MTARC2: variants seen among roughly 807,000 people sequenced by gnomAD.
MTARC2 encodes the protein MOCO sulphurase C-terminal domain containing 2.
A neutral mutation model predicts 35.6 loss-of-function variants in MTARC2; 27 were observed. The observed-to-expected ratio is 0.76, with a 90% CI of 0.56 to 1.04. MTARC2 has a LOEUF of 1.04. Among genes scored for constraint, MTARC2 ranks in the 50% least tolerant of loss-of-function variants. MTARC2 has a pLI of 0.00. For missense variants in MTARC2, 412 were observed against 432.5 expected, an observed-to-expected ratio of 0.95 and a Z score of 0.42; for synonymous variants, 158 against 167.1, an observed-to-expected ratio of 0.95 and a Z score of 0.42.
At chr1:220,754,420 C>A (rs1435269541) in intron 1 of MTARC2, 9 of 456,190 alleles carry the variant, frequency 2.0e-5, no homozygotes, top group African/African-American at 1.8e-4. Context: ...ATGTAGGACC[C>A]CCGCATGCCG....
chr1:220,774,671 C>T (rs1271862651), intron 4 of MTARC2, among the ~76,000 whole-genome samples: 1 of 148,752 alleles, frequency 6.7e-6, no homozygotes, highest in Non-Finnish European at 1.5e-5. Context: ...AACTGCTGCT[C>T]TGATCTGTGG....
At chr1:220,755,373 GA>G (rs1364323085) in intron 2 of MTARC2, among the ~76,000 whole-genome samples, 13 of 152,302 alleles carry the variant, frequency 8.5e-5, no homozygotes, top group African/African-American at 3.1e-4. Flanking sequence ...CCTGAAAAAA[GA>G]AGATGTTATA....
intron 4 of MTARC2, among the ~76,000 whole-genome samples, chr1:220,765,827 C>T (rs893912468): frequency 6.6e-6 from 1 of 152,218 alleles, no homozygotes; most frequent in Non-Finnish European, 1.5e-5. Context: ...AGCAATCTGC[C>T]TGTCTTGGCT....
At chr1:220,749,716 C>A (rs61830240) in intron 1 of MTARC2, among the ~76,000 whole-genome samples, 2,639 of 152,236 alleles carry the variant, frequency 0.017, 57 homozygotes, top group Admixed American at 0.056. Context: ...CAGGTGTGAG[C>A]CACTGTGCCC....
intron 4 of MTARC2, chr1:220,770,408 C>A: frequency 2.0e-6 from 2 of 985,398 alleles, no homozygotes. Context: ...TCTTCAGAGA[C>A]GGTGGTGCGC....
At chr1:220,765,030 G>C (rs1055494002) in intron 4 of MTARC2, among the ~76,000 whole-genome samples, 12 of 152,204 alleles carry the variant, frequency 7.9e-5, no homozygotes, top group African/African-American at 2.7e-4. Context: ...TGTCAGACGT[G>C]CTTTAGTGTA....
chr1:220,780,379 C>T lies in MTARC2; in HGVS notation c.884+140C>T, dbSNP rs1014685665. On this transcript the variant is annotated intron_variant, in intron 6 of 7. Coordinates refer to ENST00000366913, the MANE Select transcript of MTARC2 (RefSeq NM_017898.5). ...CTTCCAGTCTACCTTCTGACTGATT[C>T]GCGTCTATTGGTTAATGAGAGCACT... 31 of 657,732 alleles carry T rather than the reference C, an allele frequency of 4.7e-5. No homozygotes were observed. The African/African-American group carries it at 5.2e-4, about 11-fold the overall frequency. The allele number at this position is 657,732 out of a possible 1,614,324, so 40.7% of individuals were successfully genotyped here. A position where few individuals can be genotyped will look rare whatever the true frequency, so the allele number is the denominator to read the frequency against.
Position 220,748,812 on chromosome 1 carries a change from C to CAGCGCG in MTARC2, c.272+10_272+15dup, listed in dbSNP as rs770929503. The CAGCGCG allele has an allele frequency of 5.1e-6, 8 of 1,574,548 alleles. No individual in the cohort carries two copies. In the African/African-American group the frequency reaches 9.6e-5, roughly 19 times the overall value. On this transcript the variant is annotated intron_variant, in intron 1 of 7. Transcript: ENST00000366913. ...GGCAACCTGCGGGACAGGTACAGCA[C>CAGCGCG]AGCGCGGGCGCGGGGCAGCGCGGAG...
chr1:220,752,793 G>A (rs1357101639), intron 1 of MTARC2, among the ~76,000 whole-genome samples: 1 of 152,084 alleles, frequency 6.6e-6, no homozygotes, highest in Admixed American at 6.5e-5. Flanking sequence ...GCTGCCATGA[G>A]CTAAGATCAC....
intron 1 of MTARC2, 92 bp from the exon 2 acceptor site, chr1:220,754,855 G>T (rs1321965476): frequency 1.7e-6 from 2 of 1,189,086 alleles, no homozygotes; most frequent in Non-Finnish European, 2.4e-6. Flanking sequence ...GACGGGGTGG[G>T]TGGAGAGTTC....
At chr1:220,774,680 GGT>G (rs1671844095) in intron 4 of MTARC2, among the ~76,000 whole-genome samples, 1 of 152,042 alleles carries the variant, frequency 6.6e-6, no homozygotes, top group South Asian at 2.1e-4. Context: ...TCTGATCTGT[GGT>G]CTTACAAGTG....
rs188393299 is a variant in MTARC2, at chr1:220,758,474, C to T, written c.447-3184C>T. Among the ~76,000 whole-genome samples the T allele has an allele frequency of 8.9e-4, 134 of 150,084 alleles. 1 individual carries two copies. The highest frequency in any genetic ancestry group is 1.4e-3 in the Admixed American group (21 of 15,014). On this transcript the variant is annotated intron_variant, in intron 2 of 7. Coordinates refer to ENST00000366913, the MANE Select transcript of MTARC2 (RefSeq NM_017898.5). The stretch of plus-strand genomic sequence containing the variant: ...CGCTCTTGTTGCCCGGGCTAGAGTG[C>T]GATGGCACGATCTCAGCTCACTGCA...
chr1:220,780,288 G>T (rs754454850), intron 6 of MTARC2, 49 bp downstream of exon 6: 1 of 1,523,992 alleles, frequency 6.6e-7, no homozygotes, highest in South Asian at 1.2e-5. Context: ...CTCCACCCCA[G>T]AACTACCTAT....
intron 1 of MTARC2, 107 bp downstream of exon 1, chr1:220,748,910 C>G: frequency 1.5e-6 from 2 of 1,325,722 alleles, no homozygotes. Context: ...GGTTTGCCAC[C>G]TGAGTTTCTG....
At chr1:220,782,913 T>A (rs751189106) in intron 7 of MTARC2, among the ~76,000 whole-genome samples, 2 of 152,242 alleles carry the variant, frequency 1.3e-5, no homozygotes, top group Non-Finnish European at 2.9e-5. Context: ...TTAATTCATA[T>A]AAAGTTGCGC....
At position 220,778,265 on chromosome 1, in the gene MTARC2, A is replaced by AAG. The variant is rs1553254995; in HGVS notation, c.751-1752_751-1751insGA. 5.7e-3 allele frequency among the ~76,000 whole-genome samples: 793 copies of AAG among 138,412 alleles called. 31 individuals carry two copies. The highest frequency in any genetic ancestry group is 0.041 in the Admixed American group (558 of 13,456). The allele number at this position is 138,412 out of a possible 152,430, so 90.8% of individuals were successfully genotyped here. A position where few individuals can be genotyped will look rare whatever the true frequency, so the allele number is the denominator to read the frequency against. ...TCTGTCTCAAAAAAAAAAAAAAAAA[A>AAG]AAAGAAAGAAAGAAAGAAAAGCGGT... On this transcript the variant is annotated intron_variant, in intron 4 of 7. Transcript: ENST00000366913.
At chr1:220,771,738 C>A (rs543380223) in intron 4 of MTARC2, among the ~76,000 whole-genome samples, 1 of 151,672 alleles carries the variant, frequency 6.6e-6, no homozygotes, top group South Asian at 2.1e-4. Flanking sequence ...TAACAGCGCC[C>A]ACCAGGGCCT....
intron 1 of MTARC2, among the ~76,000 whole-genome samples, chr1:220,752,856 CTT>C (rs1342300796): frequency 2.0e-5 from 3 of 151,240 alleles, no homozygotes; most frequent in Non-Finnish European, 4.4e-5. Context: ...CTCCCTCTCT[CTT>C]GATATTAATT....
At chr1:220,755,189 C>T (rs1671242905) in intron 2 of MTARC2, 69 bp downstream of exon 2, 1 of 1,464,154 alleles carries the variant, frequency 6.8e-7, no homozygotes, top group African/African-American at 1.4e-5. Context: ...TCCTTGCATT[C>T]TGTCTTGCTA....
Sources: allele counts gnomAD v4.1 joint callset (sites outside exome capture counted in the v4.1 genomes callset), GRCh38; gene constraint gnomAD v4.1.1; transcripts MANE v1.5; gene names NCBI Gene and HGNC (gene_info 2026-07-23, HGNC 2026-07-21).